EFL1: variants seen among roughly 807,000 people sequenced by gnomAD.
The protein encoded by EFL1 is elongation factor like GTPase 1.
EFL1 carries 76 observed loss-of-function variants against 126.7 expected under a neutral mutation model. The observed-to-expected ratio is 0.60, with a 90% confidence interval of 0.50 to 0.73. The LOEUF (loss-of-function observed/expected upper bound fraction) is 0.73, where lower values mean the gene tolerates loss of function less well. EFL1 is among the 30% of genes least tolerant of loss of function. The probability of loss-of-function intolerance (pLI) is 0.00; values close to 1 mark genes in which losing one functional copy is unlikely to be tolerated. For synonymous variants in EFL1, 410 were observed against 448.4 expected, an observed-to-expected ratio of 0.91 and a Z score of 1.08; for missense variants, 1,128 against 1,343.2, an observed-to-expected ratio of 0.84 and a Z score of 2.50.
intron 4 of EFL1, among the ~76,000 whole-genome samples, chr15:82,246,464 A>G (rs2074973752): frequency 6.6e-6 from 1 of 152,134 alleles, no homozygotes; most frequent in African/African-American, 2.4e-5. Context: ...TGCTAGTCTC[A>G]TTATCGGAGT....
At chr15:82,181,190 T>C (rs1245374907) in intron 15 of EFL1, among the ~76,000 whole-genome samples, 1 of 152,354 alleles carries the variant, frequency 6.6e-6, no homozygotes, top group East Asian at 1.9e-4. Flanking sequence ...TTCATTTATA[T>C]ATGGTACCTT....
At chr15:82,214,932 A>G (rs1444116374) in intron 14 of EFL1, 77 bp from the exon 15 acceptor site, 2 of 1,477,178 alleles carry the variant, frequency 1.4e-6, no homozygotes, top group East Asian at 4.7e-5. Context: ...AGTTACTTCT[A>G]TTCATCAGTA....
At chr15:82,160,106 T>C (rs527813660) in intron 16 of EFL1, 1 of 152,338 alleles carries the variant, frequency 6.6e-6, no homozygotes, top group East Asian at 1.9e-4. Flanking sequence ...AACAGAACAC[T>C]GTGGAAAGGA....
At chr15:82,209,650 C>T (rs1427271529) in intron 15 of EFL1, among the ~76,000 whole-genome samples, 4 of 152,198 alleles carry the variant, frequency 2.6e-5, no homozygotes, top group East Asian at 1.9e-4. Context: ...AAGAACAAAA[C>T]GCTATTGTGT....
chr15:82,194,225 C>G (rs909581177), intron 15 of EFL1, among the ~76,000 whole-genome samples: 1 of 152,144 alleles, frequency 6.6e-6, no homozygotes. Flanking sequence ...CTATACCATT[C>G]TAGACTAGAC....
At chr15:82,218,694 C>T (rs1056932619) in intron 14 of EFL1, among the ~76,000 whole-genome samples, 1 of 152,136 alleles carries the variant, frequency 6.6e-6, no homozygotes, top group Non-Finnish European at 1.5e-5. Context: ...AAACATAACC[C>T]TATACACACC....
chr15:82,166,197 A>G (rs1479388992), intron 15 of EFL1, among the ~76,000 whole-genome samples: 1 of 152,232 alleles, frequency 6.6e-6, no homozygotes, highest in African/African-American at 2.4e-5. Flanking sequence ...CAATGAAAAG[A>G]TAAATGCTGG....
chr15:82,194,656 C>T (rs756960568), intron 15 of EFL1, among the ~76,000 whole-genome samples: 4 of 152,154 alleles, frequency 2.6e-5, no homozygotes, highest in Admixed American at 6.5e-5. Context: ...CGATTTTAAA[C>T]GGTGAAAGGC....
At chr15:82,215,909 T>C (rs935018247) in intron 14 of EFL1, among the ~76,000 whole-genome samples, 1 of 152,086 alleles carries the variant, frequency 6.6e-6, no homozygotes, top group Admixed American at 6.5e-5. Flanking sequence ...GCTCTAAAGA[T>C]GGGCTGGAGA....
chr15:82,190,720 G>A (rs1244129284), intron 15 of EFL1, among the ~76,000 whole-genome samples: 1 of 152,058 alleles, frequency 6.6e-6, no homozygotes, highest in Non-Finnish European at 1.5e-5. Flanking sequence ...TATATTCCAG[G>A]TCTTGAGTAA....
intron 7 of EFL1, among the ~76,000 whole-genome samples, chr15:82,236,740 A>C (rs966331765): frequency 6.6e-6 from 1 of 152,264 alleles, no homozygotes; most frequent in African/African-American, 2.4e-5. Context: ...AAAATGAGAG[A>C]CAATCTTTAG....
At chr15:82,205,820 A>T (rs1463090575) in intron 15 of EFL1, among the ~76,000 whole-genome samples, 1 of 152,248 alleles carries the variant, frequency 6.6e-6, no homozygotes, top group Non-Finnish European at 1.5e-5. Flanking sequence ...TTAGTAGATA[A>T]ACAGTTATTA....
chr15:82,259,649 A>G (rs1251502484), intron 2 of EFL1, among the ~76,000 whole-genome samples: 1 of 152,234 alleles, frequency 6.6e-6, no homozygotes, highest in Admixed American at 6.5e-5. Context: ...ATCTTCGAAT[A>G]TATTTATAGT....
At chr15:82,247,121 G>A (rs2074979962) in intron 4 of EFL1, among the ~76,000 whole-genome samples, 1 of 151,948 alleles carries the variant, frequency 6.6e-6, no homozygotes, top group Non-Finnish European at 1.5e-5. Flanking sequence ...GAGGCTGTGG[G>A]GAGTCAAAAA....
At position 82,224,884 on chromosome 15, in the gene EFL1, T is replaced by C. The variant is rs369503161; in HGVS notation, c.1292+281A>G. On this transcript the variant is annotated intron_variant, in intron 12 of 19. Coordinates refer to ENST00000268206, the MANE Select transcript of EFL1 (RefSeq NM_024580.6). ...TAGATTAGAACTTGCCTGACATGTT[T>C]AATAAAAGTTAATTGTTGCTACTAC... Among the ~76,000 whole-genome samples the C allele has an allele frequency of 1.7e-3, 263 of 152,338 alleles. 1 individual carries two copies. The highest frequency in any genetic ancestry group is 2.8e-3 in the Non-Finnish European group (190 of 68,018).
At chr15:82,259,845 T>C (rs145773188) in intron 2 of EFL1, among the ~76,000 whole-genome samples, 134 of 152,308 alleles carry the variant, frequency 8.8e-4, no homozygotes, top group Middle Eastern at 3.4e-3. Flanking sequence ...AGCAAAGCTA[T>C]GGAATCTCTG....
intron 4 of EFL1, among the ~76,000 whole-genome samples, chr15:82,241,721 T>A (rs542053609): frequency 6.6e-6 from 1 of 152,334 alleles, no homozygotes; most frequent in East Asian, 1.9e-4. Context: ...AATATCCCTA[T>A]GAGATACATA....
chr15:82,190,224 T>C (rs977385029), intron 15 of EFL1, among the ~76,000 whole-genome samples: 6 of 152,228 alleles, frequency 3.9e-5, no homozygotes, highest in African/African-American at 1.4e-4. Flanking sequence ...TGTTCCTCAC[T>C]GCGTTGTTTT....
At chr15:82,216,911 G>C (rs2074653421) in intron 14 of EFL1, among the ~76,000 whole-genome samples, 1 of 151,972 alleles carries the variant, frequency 6.6e-6, no homozygotes, top group Non-Finnish European at 1.5e-5. Flanking sequence ...GAAGAAATTT[G>C]CAAAATTCAA....
Sources: gnomAD v4.1 joint callset for allele counts (sites outside exome capture counted in the v4.1 genomes callset) on GRCh38, gnomAD v4.1.1 for gene constraint, MANE v1.5 for transcripts, NCBI Gene and HGNC (gene_info 2026-07-23, HGNC 2026-07-21) for gene names.